CTNNA2: variants seen among roughly 807,000 people sequenced by gnomAD.
CTNNA2 encodes the protein catenin alpha 2.
In CTNNA2, 42 loss-of-function variants were observed where a neutral mutation model predicts 101.0. The observed-to-expected ratio is 0.42, with a 90% CI of 0.32 to 0.54. CTNNA2 has a LOEUF of 0.54. Among genes scored for constraint, CTNNA2 ranks in the 20% least tolerant of loss-of-function variants. CTNNA2 has a pLI of 0.14. For synonymous variants in CTNNA2, 450 were observed against 456.4 expected (o/e 0.99, Z 0.18); for missense variants, 871 against 1,223.1 (o/e 0.71, Z 4.29).
intron 1 of CTNNA2, among the ~76,000 whole-genome samples, chr2:79,636,269 CAAAAAAAAAAA>C (rs57739991): frequency 6.5e-3 from 440 of 67,208 alleles, no homozygotes; most frequent in Middle Eastern, 0.017. Context: ...GACTCTGTCT[CAAAAAAAAAAA>C]AAAAAAAAAA....
chr2:79,622,686 TGACTCAGA>T (rs1293066097), intron 1 of CTNNA2, among the ~76,000 whole-genome samples: 21 of 152,144 alleles, frequency 1.4e-4, no homozygotes, highest in Admixed American at 1.1e-3. Context: ...TTCATGAGGG[TGACTCAGA>T]GACCTAGACA....
chr2:80,305,131 G>C, intron 7 of CTNNA2: 18 of 985,398 alleles, frequency 1.8e-5, no homozygotes, highest in Non-Finnish European at 2.2e-5. Context: ...AAAGCAACTT[G>C]AGAGAAGACA....
intron 7 of CTNNA2, among the ~76,000 whole-genome samples, chr2:80,131,327 G>T (rs1192383265): frequency 6.6e-6 from 1 of 152,140 alleles, no homozygotes; most frequent in Non-Finnish European, 1.5e-5. Flanking sequence ...CCAAAGTGCT[G>T]GGATTACAGG....
chr2:79,678,320 T>A (rs1259889027), intron 2 of CTNNA2, among the ~76,000 whole-genome samples: 2 of 152,046 alleles, frequency 1.3e-5, no homozygotes, highest in East Asian at 3.9e-4. Flanking sequence ...GGTAGGCAGA[T>A]CACTTGAGCT....
chr2:80,159,017 G>A lies in CTNNA2; in HGVS notation c.1057-234194G>A, dbSNP rs559198081. ...TATTCTCTGGAGATTCATGCAGGTT[G>A]TTCAGTTGGACCATTCACCCATTGA... On this transcript the variant is annotated intron_variant, in intron 7 of 18. Transcript: ENST00000402739. 3.9e-5 allele frequency among the ~76,000 whole-genome samples: 6 copies of A among 152,210 alleles called. No individual in the cohort carries two copies. In the South Asian group the frequency reaches 1.2e-3, roughly 32 times the overall value.
chr2:79,841,608 A>G (rs1679821109), intron 3 of CTNNA2, among the ~76,000 whole-genome samples: 4 of 152,264 alleles, frequency 2.6e-5, no homozygotes, highest in Admixed American at 2.6e-4. Context: ...AAGCAGACTA[A>G]TCTTTATAGA....
chr2:79,594,908 T>C (rs1381123715), intron 1 of CTNNA2, among the ~76,000 whole-genome samples: 1 of 152,142 alleles, frequency 6.6e-6, no homozygotes, highest in Non-Finnish European at 1.5e-5. Flanking sequence ...TCCTCTGATA[T>C]TTCCTCATAT....
intron 3 of CTNNA2, among the ~76,000 whole-genome samples, chr2:79,350,851 C>T (rs1677370760): frequency 6.6e-6 from 1 of 152,164 alleles, no homozygotes; most frequent in African/African-American, 2.4e-5. Flanking sequence ...GAAATGGTAT[C>T]TCACTGTGGC....
intron 7 of CTNNA2, among the ~76,000 whole-genome samples, chr2:80,148,981 A>G (rs929630459): frequency 5.3e-5 from 8 of 152,222 alleles, no homozygotes; most frequent in African/African-American, 1.9e-4. Context: ...AAATTAAAAA[A>G]ACAAAACTCA....
intron 9 of CTNNA2, among the ~76,000 whole-genome samples, chr2:80,541,332 G>T (rs1325961227): frequency 1.3e-5 from 2 of 152,118 alleles, no homozygotes; most frequent in Non-Finnish European, 2.9e-5. Flanking sequence ...CAGAGTATAG[G>T]CTGCCAGACT....
intron 7 of CTNNA2, among the ~76,000 whole-genome samples, chr2:80,152,523 GT>G (rs1266685079): frequency 1.3e-5 from 2 of 151,962 alleles, no homozygotes; most frequent in Non-Finnish European, 2.9e-5. Flanking sequence ...AAGTTTGTTT[GT>G]TTTTCATTCA....
intron 2 of CTNNA2, among the ~76,000 whole-genome samples, chr2:79,726,182 A>G (rs1241564525): frequency 6.6e-6 from 1 of 151,938 alleles, no homozygotes. Flanking sequence ...GTTGAATTTC[A>G]TGTTCACATC....
chr2:80,410,948 A>C (rs553308731), intron 8 of CTNNA2, among the ~76,000 whole-genome samples: 2 of 152,302 alleles, frequency 1.3e-5, no homozygotes, highest in African/African-American at 4.8e-5. Flanking sequence ...TTAGAATGCT[A>C]GATTGTCACA....
At chr2:79,991,799 GC>G (rs1239778570) in intron 7 of CTNNA2, among the ~76,000 whole-genome samples, 1 of 152,102 alleles carries the variant, frequency 6.6e-6, no homozygotes, top group Non-Finnish European at 1.5e-5. Context: ...AAAATCAACA[GC>G]CTGTGACATG....
intron 1 of CTNNA2, among the ~76,000 whole-genome samples, chr2:79,519,101 C>G (rs913054160): frequency 6.6e-6 from 1 of 151,580 alleles, no homozygotes; most frequent in African/African-American, 2.4e-5. Flanking sequence ...TGGTGACGGG[C>G]GACTGTAATC....
intron 8 of CTNNA2, among the ~76,000 whole-genome samples, chr2:80,416,425 A>G (rs548582599): frequency 2.0e-4 from 30 of 152,226 alleles, no homozygotes; most frequent in African/African-American, 6.0e-4. Flanking sequence ...CTTCAGATCT[A>G]ACACTGGAGA....
chr2:80,140,870 C>T (rs1253551080), intron 7 of CTNNA2, among the ~76,000 whole-genome samples: 2 of 151,988 alleles, frequency 1.3e-5, no homozygotes, highest in Non-Finnish European at 1.5e-5. Context: ...TATAGGGACC[C>T]TTGTCAGATG....
intron 4 of CTNNA2, among the ~76,000 whole-genome samples, chr2:79,432,000 A>G (rs1353450849): frequency 1.3e-5 from 2 of 152,230 alleles, no homozygotes; most frequent in African/African-American, 2.4e-5. Context: ...TTACAGTACT[A>G]CTGGAAAGAT....
chr2:80,410,807 A>C (rs1220412984), intron 8 of CTNNA2, among the ~76,000 whole-genome samples: 1 of 152,190 alleles, frequency 6.6e-6, no homozygotes, highest in Admixed American at 6.5e-5. Context: ...TACCAAGTTC[A>C]AGATGTCCCT....
Sources: allele counts gnomAD v4.1 joint callset (sites outside exome capture counted in the v4.1 genomes callset), GRCh38; gene constraint gnomAD v4.1.1; transcripts MANE v1.5; gene names NCBI Gene and HGNC (gene_info 2026-07-23, HGNC 2026-07-21).